Variants in DRC8 observed in about 807,000 individuals in gnomAD.
DRC8 encodes dynein regulatory complex subunit 8.
At chr1:245,022,002 C>T in the DRC8 span, among the ~76,000 whole-genome samples, 2 of 152,072 alleles carry the variant, frequency 1.3e-5, no homozygotes, top group African/African-American at 2.4e-5. Flanking sequence ...TGTTCCATAT[C>T]GATCTCTTAA....
the DRC8 span, among the ~76,000 whole-genome samples, chr1:245,058,369 G>A: frequency 6.6e-6 from 1 of 152,290 alleles, no homozygotes; most frequent in South Asian, 2.1e-4. Context: ...TATTAAGAAG[G>A]AAGATGAGTA....
At chr1:245,003,516 A>G in the DRC8 span, among the ~76,000 whole-genome samples, 1 of 152,238 alleles carries the variant, frequency 6.6e-6, no homozygotes, top group Non-Finnish European at 1.5e-5. Flanking sequence ...TTAACCAGCA[A>G]TATATACATA....
At chr1:245,124,316 A>G in the DRC8 span, 2 of 152,194 alleles carry the variant, frequency 1.3e-5, no homozygotes, top group Non-Finnish European at 2.9e-5. Flanking sequence ...GGCTCTTCTC[A>G]TGGTATGAGC....
the DRC8 span, among the ~76,000 whole-genome samples, chr1:245,092,846 T>TC: frequency 6.6e-6 from 1 of 152,154 alleles, no homozygotes; most frequent in East Asian, 1.9e-4. Context: ...GCCATGATTG[T>TC]ACCACTGCAC....
At chr1:244,987,704 C>A in the DRC8 span, among the ~76,000 whole-genome samples, 1 of 149,440 alleles carries the variant, frequency 6.7e-6, no homozygotes, top group African/African-American at 2.5e-5. Flanking sequence ...TCAAATAGAA[C>A]AATAACATTA....
At chr1:245,007,990 C>T in the DRC8 span, among the ~76,000 whole-genome samples, 3 of 152,108 alleles carry the variant, frequency 2.0e-5, no homozygotes, top group Middle Eastern at 3.4e-3. Context: ...CACAGAGTGA[C>T]CTTGTCTCTA....
At chr1:245,032,155 G>T in the DRC8 span, among the ~76,000 whole-genome samples, 1 of 152,170 alleles carries the variant, frequency 6.6e-6, no homozygotes, top group African/African-American at 2.4e-5. Context: ...AGAGGCAGGG[G>T]TGAGAAAGAC....
the DRC8 span, among the ~76,000 whole-genome samples, chr1:245,092,951 T>A: frequency 6.6e-6 from 1 of 152,182 alleles, no homozygotes; most frequent in Non-Finnish European, 1.5e-5. Context: ...AAAAACACTT[T>A]TCGGGGCTGG....
the DRC8 span, among the ~76,000 whole-genome samples, chr1:245,105,110 T>C: frequency 0.89 from 135,921 of 152,212 alleles, 60,714 homozygotes; most frequent in Admixed American, 0.93. Flanking sequence ...GCTCGATCAA[T>C]GTCAAGTTCA....
At chr1:245,090,915 GT>G in the DRC8 span, 1 of 152,222 alleles carries the variant, frequency 6.6e-6, no homozygotes, top group African/African-American at 2.4e-5. Flanking sequence ...AGTAAAAACG[GT>G]GGTGAGGAAT....
the DRC8 span, among the ~76,000 whole-genome samples, chr1:245,003,002 T>C: frequency 6.6e-6 from 1 of 152,150 alleles, no homozygotes; most frequent in Non-Finnish European, 1.5e-5. Context: ...CCTTAATGAG[T>C]TTGAGCACTC....
the DRC8 span, among the ~76,000 whole-genome samples, chr1:245,013,565 A>T: frequency 2.8e-5 from 4 of 142,888 alleles, no homozygotes; most frequent in Non-Finnish European, 6.1e-5. Context: ...AATAATGAAA[A>T]ATCAGAAACT....
the DRC8 span, among the ~76,000 whole-genome samples, chr1:245,072,618 C>T: frequency 3.3e-3 from 505 of 152,304 alleles, 1 homozygote; most frequent in African/African-American, 0.012. Context: ...TGTCCACACC[C>T]ATTGAATGTA....
the DRC8 span, chr1:244,970,357 G>A: frequency 2.6e-6 from 4 of 1,529,080 alleles, no homozygotes; most frequent in Admixed American, 4.0e-5. Context: ...CGCTGAGCAG[G>A]CCGGGACACC....
the DRC8 span, among the ~76,000 whole-genome samples, chr1:245,114,490 A>C: frequency 2.6e-5 from 4 of 151,840 alleles, no homozygotes; most frequent in Non-Finnish European, 4.4e-5. Context: ...TTGTCTTCCT[A>C]AGATGTCCCT....
At chr1:244,976,273 CA>C in the DRC8 span, among the ~76,000 whole-genome samples, 18 of 144,724 alleles carry the variant, frequency 1.2e-4, 1 homozygote, top group Admixed American at 4.4e-4. Flanking sequence ...CATCTCAAAA[CA>C]AAAAAACAAA....
the DRC8 span, among the ~76,000 whole-genome samples, chr1:245,014,725 C>T: frequency 6.6e-6 from 1 of 152,118 alleles, no homozygotes; most frequent in African/African-American, 2.4e-5. Context: ...TGAGTTCAGT[C>T]CAGCTCTGCC....
At chr1:245,100,155 C>T in the DRC8 span, among the ~76,000 whole-genome samples, 13 of 152,216 alleles carry the variant, frequency 8.5e-5, no homozygotes, top group South Asian at 2.1e-4. Context: ...GAGGCCGAGG[C>T]GGGTGGATCA....
At chr1:245,004,293 G>C in the DRC8 span, among the ~76,000 whole-genome samples, 1 of 152,048 alleles carries the variant, frequency 6.6e-6, no homozygotes, top group Non-Finnish European at 1.5e-5. Context: ...TTCTAGATGA[G>C]TATACAGGAA....
Sources: allele counts gnomAD v4.1 joint callset (sites outside exome capture counted in the v4.1 genomes callset), GRCh38; gene constraint gnomAD v4.1.1; transcripts MANE v1.5; gene names NCBI Gene and HGNC (gene_info 2026-07-23, HGNC 2026-07-21).